The following SPIDR variants were observed in gnomAD, a reference collection of about 807,000 sequenced individuals.
SPIDR encodes the protein DNA repair-scaffolding protein.
SPIDR carries 93 observed loss-of-function variants against 104.6 expected under a neutral mutation model. That is an observed-to-expected ratio of 0.89 (90% CI 0.75 to 1.06). SPIDR has a LOEUF of 1.06. Among genes scored for constraint, SPIDR ranks in the 50% least tolerant of loss-of-function variants. The pLI is 0.00. For missense variants in SPIDR, 1,154 were observed against 1,111.2 expected, an observed-to-expected ratio of 1.04 and a Z score of -0.55; for synonymous variants, 431 against 416.9, an observed-to-expected ratio of 1.03 and a Z score of -0.41.
At chr8:47,392,283 G>A (rs1404847309) in intron 5 of SPIDR, among the ~76,000 whole-genome samples, 1 of 152,142 alleles carries the variant, frequency 6.6e-6, no homozygotes, top group Non-Finnish European at 1.5e-5. Context: ...CCACAACAGT[G>A]TTCGAGTCAG....
At chr8:47,508,824 A>G (rs2081886920) in intron 8 of SPIDR, among the ~76,000 whole-genome samples, 1 of 152,176 alleles carries the variant, frequency 6.6e-6, no homozygotes, top group Admixed American at 6.5e-5. Flanking sequence ...ATGTCCAATA[A>G]GTGCTGAGAA....
At chr8:47,302,920 C>G (rs1000823223) in intron 5 of SPIDR, among the ~76,000 whole-genome samples, 20 of 152,334 alleles carry the variant, frequency 1.3e-4, no homozygotes, top group Non-Finnish European at 2.5e-4. Context: ...GGCAGTGTGT[C>G]CGTTCTCAGA....
intron 16 of SPIDR, among the ~76,000 whole-genome samples, chr8:47,715,321 C>T (rs2082419032): frequency 6.6e-6 from 1 of 152,024 alleles, no homozygotes; most frequent in African/African-American, 2.4e-5. Context: ...GGATTACAGG[C>T]GTGCACCACC....
At chr8:47,395,128 C>A (rs1475790962) in intron 5 of SPIDR, among the ~76,000 whole-genome samples, 3 of 151,942 alleles carry the variant, frequency 2.0e-5, no homozygotes, top group African/African-American at 7.3e-5. Flanking sequence ...ATGGGTGGAT[C>A]ACTTGAGGTC....
chr8:47,492,862 A>G (rs909512244), intron 8 of SPIDR, among the ~76,000 whole-genome samples: 2 of 152,164 alleles, frequency 1.3e-5, no homozygotes, highest in Admixed American at 6.5e-5. Flanking sequence ...CTTTGGCCCA[A>G]TTAATGAACT....
chr8:47,411,080 T>A (rs1201691637), intron 7 of SPIDR, among the ~76,000 whole-genome samples: 1 of 152,226 alleles, frequency 6.6e-6, no homozygotes, highest in Non-Finnish European at 1.5e-5. Flanking sequence ...TTGGGTTGGT[T>A]CCAAGTCTTT....
intron 6 of SPIDR, among the ~76,000 whole-genome samples, chr8:47,404,758 C>G (rs1337615201): frequency 2.6e-5 from 4 of 152,172 alleles, no homozygotes; most frequent in African/African-American, 9.7e-5. Flanking sequence ...GTTGGTGGGA[C>G]TGTAAACTGG....
chr8:47,346,018 G>C (rs988223002), intron 5 of SPIDR, among the ~76,000 whole-genome samples: 1 of 152,202 alleles, frequency 6.6e-6, no homozygotes, highest in East Asian at 1.9e-4. Flanking sequence ...CATGTGGTGA[G>C]AGAGGGCATG....
chr8:47,725,529 C>G (rs145762218), intron 16 of SPIDR, among the ~76,000 whole-genome samples: 2 of 152,172 alleles, frequency 1.3e-5, no homozygotes, highest in Admixed American at 6.5e-5. Flanking sequence ...GGAGCTGGGA[C>G]TACAGGCGCG....
intron 5 of SPIDR, among the ~76,000 whole-genome samples, chr8:47,339,932 G>C (rs1230835676): frequency 6.6e-6 from 1 of 151,830 alleles, no homozygotes; most frequent in Non-Finnish European, 1.5e-5. Context: ...ACCTGCCTCG[G>C]CCTCCCAAAC....
chr8:47,682,835 C>A (rs984971635), intron 11 of SPIDR, among the ~76,000 whole-genome samples: 1 of 152,192 alleles, frequency 6.6e-6, no homozygotes, highest in African/African-American at 2.4e-5. Flanking sequence ...AAAATGGGCA[C>A]CCCTCTAAAC....
At chr8:47,511,700 G>A in intron 8 of SPIDR, 1 of 989,250 alleles carries the variant, frequency 1.0e-6, no homozygotes, top group Admixed American at 1.7e-5. Flanking sequence ...CCGGCAAATG[G>A]TCTTGGTGTA....
At chr8:47,490,514 A>G (rs1438768213) in intron 8 of SPIDR, among the ~76,000 whole-genome samples, 5 of 152,240 alleles carry the variant, frequency 3.3e-5, no homozygotes, top group Non-Finnish European at 7.3e-5. Context: ...CGAAAGGATT[A>G]TGAATCATGC....
intron 8 of SPIDR, among the ~76,000 whole-genome samples, chr8:47,480,971 G>C (rs955177773): frequency 2.9e-4 from 44 of 152,248 alleles, no homozygotes; most frequent in African/African-American, 1.0e-3. Context: ...AGCAAAAAGA[G>C]ACATTGAAAA....
intron 8 of SPIDR, among the ~76,000 whole-genome samples, chr8:47,450,458 C>T (rs888930002): frequency 1.3e-5 from 2 of 152,142 alleles, no homozygotes; most frequent in Non-Finnish European, 2.9e-5. Flanking sequence ...GTTTCCAATG[C>T]ATGAACTTCA....
At chr8:47,272,223 T>G (rs2035484214) in intron 1 of SPIDR, among the ~76,000 whole-genome samples, 2 of 152,134 alleles carry the variant, frequency 1.3e-5, no homozygotes, top group Non-Finnish European at 2.9e-5. Context: ...TGCCTTGGCC[T>G]CCCAAAGTGC....
At chr8:47,370,718 G>A (rs1275210894) in intron 5 of SPIDR, among the ~76,000 whole-genome samples, 1 of 151,778 alleles carries the variant, frequency 6.6e-6, no homozygotes, top group African/African-American at 2.4e-5. Context: ...CCAAAGTGCT[G>A]TGATTACAGG....
At position 47,280,016 on chromosome 8, in the gene SPIDR, C is replaced by T. The variant is rs1025514898; in HGVS notation, c.188C>T (p.Pro63Leu). ...GEGFQNTSGN[P>L]SLTAEEKTIT... Reference sequence around the variant, plus strand: ...GGGTTTCAGAACACTTCTGGGAATCCGGTAAAGTATCTGTAGAATTGTTTT... The same window carrying T: ...GGGTTTCAGAACACTTCTGGGAATCTGGTAAAGTATCTGTAGAATTGTTTT... Residue 63 changes from proline to leucine, a missense_variant and splice_region_variant, in exon 2 of 20, where the codon CCG (proline) becomes CTG (leucine). Transcript: ENST00000297423. The T allele has an allele frequency of 6.2e-6, 10 of 1,612,668 alleles. No individual in the cohort carries two copies. Among genetic ancestry groups the T allele is most frequent in the Admixed American group, 3.4e-5 (2 of 59,680 alleles).
intron 8 of SPIDR, among the ~76,000 whole-genome samples, chr8:47,458,835 T>A (rs1427475869): frequency 6.6e-6 from 1 of 152,120 alleles, no homozygotes; most frequent in African/African-American, 2.4e-5. Flanking sequence ...CAAAAAGGGA[T>A]GCCAGATTTT....
Sources: allele counts gnomAD v4.1 joint callset (sites outside exome capture counted in the v4.1 genomes callset), GRCh38; gene constraint gnomAD v4.1.1; transcripts MANE v1.5; gene names NCBI Gene and HGNC (gene_info 2026-07-23, HGNC 2026-07-21).